Variants in ABL1 observed in about 807,000 individuals in gnomAD.
The protein encoded by ABL1 is ABL proto-oncogene 1, non-receptor tyrosine kinase.
In ABL1, 11 loss-of-function variants were observed where a neutral mutation model predicts 94.7. That is an observed-to-expected ratio of 0.12 (90% CI 0.07 to 0.19). The LOEUF is 0.19. Among genes scored for constraint, ABL1 ranks in the 10% least tolerant of loss-of-function variants. The pLI is 1.00. For missense variants in ABL1, 1,082 were observed against 1,489.4 expected (o/e 0.73, Z 4.50); for synonymous variants, 656 against 622.4 (o/e 1.05, Z -0.80).
intron 1 of ABL1, among the ~76,000 whole-genome samples, chr9:130,813,754 G>C (rs1451490959): frequency 6.6e-6 from 1 of 152,098 alleles, no homozygotes; most frequent in African/African-American, 2.4e-5. Flanking sequence ...AGGTGAAAGT[G>C]CCACATAAAA....
chr9:130,786,849 TG>T (rs1378731042), intron 1 of ABL1, among the ~76,000 whole-genome samples: 4 of 152,136 alleles, frequency 2.6e-5, no homozygotes, highest in African/African-American at 7.2e-5. Context: ...ACTTAATAAG[TG>T]AAAAAAACAT....
chr9:130,744,942 G>T (rs1031459847), intron 1 of ABL1, among the ~76,000 whole-genome samples: 12 of 152,130 alleles, frequency 7.9e-5, no homozygotes, highest in Admixed American at 7.2e-4. Flanking sequence ...TAGGATTGGT[G>T]GCCTAATGAT....
Position 130,862,929 on chromosome 9 carries a change from G to A in ABL1, c.716G>A (p.Arg239His), listed in dbSNP as rs1391451714. 6.2e-7 allele frequency: 1 copy of A among 1,614,190 alleles called. No individual in the cohort carries two copies. The highest frequency in any genetic ancestry group is 1.3e-5 in the African/African-American group (1 of 75,030). Residue 239 changes from arginine to histidine, a missense_variant, in exon 4 of 11, where the codon CGC becomes CAC. Transcript: ENST00000318560. This position sits in a 1 kb window ranked among gnomAD's most constrained non-coding sequence, Gnocchi z 5.5. ...AACTACGACAAGTGGGAGATGGAACGCACGGACATCACCATGAAGCACAAG... is the reference window on the plus strand; with the variant it reads ...AACTACGACAAGTGGGAGATGGAACACACGGACATCACCATGAAGCACAAG... Reference protein sequence around the residue: ...SPNYDKWEMERTDITMKHKLG... With the variant: ...SPNYDKWEMEHTDITMKHKLG...
chr9:130,727,753 C>G (rs1222857986), intron 1 of ABL1, among the ~76,000 whole-genome samples: 1 of 71,114 alleles, frequency 1.4e-5, no homozygotes, highest in African/African-American at 4.6e-5. Context: ...GAGACACCGC[C>G]CCCCCCCCCC....
intron 1 of ABL1, among the ~76,000 whole-genome samples, chr9:130,822,918 A>G (rs996148861): frequency 3.3e-5 from 5 of 151,478 alleles, no homozygotes; most frequent in African/African-American, 1.2e-4. Context: ...CTGCCTCAGC[A>G]TCCCAAGTAG....
At chr9:130,878,305 C>A in intron 7 of ABL1, 110 bp from the exon 8 acceptor site, 1 of 1,299,072 alleles carries the variant, frequency 7.7e-7, no homozygotes, top group African/African-American at 1.5e-5. Flanking sequence ...GCCTGGGCTG[C>A]TGCTGGGGCC....
chr9:130,847,757 CGCCTGACGTCCT>C (rs1554768162), intron 1 of ABL1, among the ~76,000 whole-genome samples: 1 of 152,154 alleles, frequency 6.6e-6, no homozygotes, highest in Non-Finnish European at 1.5e-5. Flanking sequence ...TGCCTTGGAT[CGCCTGACGTCCT>C]GTTGAATCAA....
At chr9:130,757,801 A>G (rs1044568364) in intron 1 of ABL1, among the ~76,000 whole-genome samples, 3 of 151,900 alleles carry the variant, frequency 2.0e-5, no homozygotes, top group Non-Finnish European at 4.4e-5. Context: ...TCGGCCTCCC[A>G]AAGTGCTGGG....
rs777942802 is a variant in ABL1, at chr9:130,835,358, G to T, written c.-89G>T. On this transcript the variant is annotated 5_prime_UTR_variant, in exon 1 of 11. Transcript: ENST00000318560. The surrounding 1 kb of genome is among the most constrained non-coding windows in gnomAD (Gnocchi z 4.6). ...CGGCTGGCGGGGCCGGGGGCGCCGG[G>T]GGGGCGCGCGGGCCGAGCCGGGCCT... The T allele has an allele frequency of 2.2e-5, 16 of 718,204 alleles. No individual in the cohort carries two copies. The Admixed American group carries it at 3.1e-4, about 14-fold the overall frequency. The allele number at this position is 718,204 out of a possible 1,614,324, so 44.5% of individuals were successfully genotyped here. A position where few individuals can be genotyped will look rare whatever the true frequency, so the allele number is the denominator to read the frequency against.
In ABL1 at chr9:130,862,374, G is replaced by A. The variant is rs1421107434; in HGVS notation, c.550-389G>A. 1.3e-5 allele frequency among the ~76,000 whole-genome samples: 2 copies of A among 152,122 alleles called. No individual in the cohort carries two copies. Among genetic ancestry groups the A allele is most frequent in the African/African-American group, 4.8e-5 (2 of 41,370 alleles). On this transcript the variant is annotated intron_variant, in intron 3 of 10. Transcript: ENST00000318560. This position sits in a 1 kb window ranked among gnomAD's most constrained non-coding sequence, Gnocchi z 5.5. ...CTAGTAGTGGGTCCATTGCTGAGAA[G>A]TAAGACAGGTGGTAGGATGACCCGT... is the stretch of plus-strand genomic sequence containing the variant.
intron 1 of ABL1, among the ~76,000 whole-genome samples, chr9:130,748,579 CT>C (rs1438941218): frequency 5.7e-4 from 84 of 148,622 alleles, no homozygotes; most frequent in Non-Finnish European, 6.1e-4. Flanking sequence ...TGCCTAGCTA[CT>C]TTTTTTTTTT....
At chr9:130,740,696 C>G (rs1420888901) in intron 1 of ABL1, among the ~76,000 whole-genome samples, 1 of 152,060 alleles carries the variant, frequency 6.6e-6, no homozygotes, top group South Asian at 2.1e-4. Context: ...TGCTCTGTCA[C>G]CCAGGTTGAA....
intron 1 of ABL1, among the ~76,000 whole-genome samples, chr9:130,795,375 G>A (rs1255593600): frequency 6.6e-6 from 1 of 152,158 alleles, no homozygotes; most frequent in Non-Finnish European, 1.5e-5. Flanking sequence ...TCTGTTCCTT[G>A]TAGCTGTTCC....
rs1438153217 is a variant in ABL1, at chr9:130,835,560, C to G, written c.79+35C>G. 1 of 1,527,214 alleles carries G rather than the reference C, an allele frequency of 6.5e-7. No homozygotes were observed. The allele number at this position is 1,527,214 out of a possible 1,614,324, so 94.6% of individuals were successfully genotyped here. ...GGCCGCACGGGTTGGGCTGAGTAGC[C>G]GCGCGCCCTCCCGCTGCTGCTGGGC... On this transcript the variant is annotated intron_variant, in intron 1 of 10. Transcript: ENST00000318560. This position sits in a 1 kb window ranked among gnomAD's most constrained non-coding sequence, Gnocchi z 4.6.
rs554479105 is a variant in ABL1, at chr9:130,814,832, G to T, written c.137-39232G>T. 7.2e-4 allele frequency among the ~76,000 whole-genome samples: 109 copies of T among 151,564 alleles called. No homozygotes were observed. The highest frequency in any genetic ancestry group is 2.3e-3 in the African/African-American group (97 of 41,306). ...GCGGAGCTTGCAGTGAGCCGAGATT[G>T]CACCACTGCACTCCAGCCTGGGTGA... On this transcript the variant is annotated intron_variant, in intron 1 of 10. Transcript: ENST00000372348. This position sits in a 1 kb window ranked among gnomAD's most constrained non-coding sequence, Gnocchi z 4.4.
At chr9:130,733,691 G>C (rs1831696206) in intron 1 of ABL1, among the ~76,000 whole-genome samples, 2 of 147,250 alleles carry the variant, frequency 1.4e-5, no homozygotes, top group Non-Finnish European at 1.5e-5. Context: ...CCATTCTCCT[G>C]CCTCAGCCTC....
chr9:130,797,652 A>G (rs555486122), intron 1 of ABL1, among the ~76,000 whole-genome samples: 2 of 152,240 alleles, frequency 1.3e-5, no homozygotes, highest in African/African-American at 4.8e-5. Context: ...TGAGATTACA[A>G]GTCACCACGC....
intron 1 of ABL1, among the ~76,000 whole-genome samples, chr9:130,826,610 A>C (rs1830428847): frequency 6.6e-6 from 1 of 152,202 alleles, no homozygotes; most frequent in Non-Finnish European, 1.5e-5. Flanking sequence ...CGGAAAGGTC[A>C]GAAATTAGAG....
intron 1 of ABL1, among the ~76,000 whole-genome samples, chr9:130,767,951 G>A (rs900072587): frequency 6.6e-5 from 10 of 150,448 alleles, no homozygotes; most frequent in African/African-American, 1.0e-4. Context: ...TGGAAATTGC[G>A]AGGAAAAAAA....
Sources: allele counts gnomAD v4.1 joint callset (sites outside exome capture counted in the v4.1 genomes callset), GRCh38; gene constraint gnomAD v4.1.1; non-coding constraint Gnocchi (gnomAD v3.1); transcripts MANE v1.5; gene names NCBI Gene and HGNC (gene_info 2026-07-23, HGNC 2026-07-21).